CRYBA2: variants seen among roughly 807,000 people sequenced by gnomAD.
CRYBA2 encodes the protein beta-crystallin A2.
CRYBA2 carries 17 observed loss-of-function variants against 18.5 expected under a neutral mutation model. The observed-to-expected ratio is 0.92, with a 90% CI of 0.63 to 1.38. The LOEUF (loss-of-function observed/expected upper bound fraction) is 1.38. CRYBA2 is among the 40% of genes most tolerant of loss of function. The pLI, the probability that CRYBA2 is intolerant of heterozygous loss-of-function variation, is 0.00. For missense variants in CRYBA2, 271 were observed against 265.0 expected (o/e 1.02, Z -0.16); for synonymous variants, 101 against 106.2 (o/e 0.95, Z 0.30).
At chr2:218,991,788 C>T (rs903002496) in intron 2 of CRYBA2, 5 of 360,780 alleles carry the variant, frequency 1.4e-5, no homozygotes, top group African/African-American at 2.1e-5. Flanking sequence ...GTCAACCCGA[C>T]CTCACATGGC....
In CRYBA2 at chr2:218,993,278, C is replaced by A. The variant is rs1945521665; in HGVS notation, c.-102G>T. On this transcript the variant is annotated 5_prime_UTR_variant, in exon 1 of 4. Transcript: ENST00000295728. This position sits in a 1 kb window ranked among gnomAD's most constrained non-coding sequence, Gnocchi z 7.7. ...CAACCTGGGTAGCGGATGAAGAACC[C>A]GGGGGCTGGACCCGGCCTAGCTCTG... 3.2e-6 allele frequency: 4 copies of A among 1,252,782 alleles called. No homozygotes were observed. The South Asian group carries it at 5.7e-5, about 18-fold the overall frequency. The allele number at this position is 1,252,782 out of a possible 1,614,324, so 77.6% of individuals were successfully genotyped here.
Position 218,992,157 on chromosome 2 carries a change from C to A in CRYBA2, c.248G>T (p.Gly83Val), listed in dbSNP as rs751268103. Residue 83 changes from glycine (G) to valine (V), a missense_variant, in exon 2 of 4, where the codon GGC becomes GTC. Gly to Val is a moderately radical substitution (Grantham distance 109). Coordinates refer to ENST00000295728, the MANE Select transcript of CRYBA2 (RefSeq NM_057093.2). The stretch of plus-strand genomic sequence containing the variant: ...CTGGTTGCTGTTGTGGCTGCTGCTG[C>A]CACTCCAGGCGCTCCAGCGAGGATA... ...GDYPRWSAWS[G>V]SSSHNSNQLL... 6 of 1,613,212 alleles carry A rather than the reference C, an allele frequency of 3.7e-6. No individual in the cohort carries two copies. In the South Asian group the frequency reaches 6.6e-5, roughly 18 times the overall value.
At position 218,990,268 on chromosome 2, in the gene CRYBA2, C is replaced by T. The variant is rs1344499204; in HGVS notation, c.578G>A (p.Arg193Gln). 19 of 1,613,990 alleles carry T rather than the reference C, an allele frequency of 1.2e-5. No individual in the cohort carries two copies. The highest frequency in any genetic ancestry group is 2.2e-5 in the East Asian group (1 of 44,894). ...QAHTGQLQSIRRVQH is the reference protein window; with the variant it reads ...QAHTGQLQSIQRVQH ...CCGTGGAGCCTAGTGCTGGACTCTCCGGATGGACTGCAGCTGCCCAGTGTG... is the reference window on the plus strand; with the variant it reads ...CCGTGGAGCCTAGTGCTGGACTCTCTGGATGGACTGCAGCTGCCCAGTGTG... The change falls in exon 4 of 4, where the codon CGG (arginine) becomes CAG (glutamine). Residue 193 changes from arginine to glutamine, a missense_variant. By Grantham distance (43) the Arg-to-Gln change is conservative. Coordinates refer to ENST00000295728, the MANE Select transcript of CRYBA2 (RefSeq NM_057093.2).
At position 218,992,253 on chromosome 2, in the gene CRYBA2, G is replaced by A. The variant is rs1348043842; in HGVS notation, c.162-10C>T. The A allele has an allele frequency of 6.2e-7, 1 of 1,612,570 alleles. No homozygotes were observed. The highest frequency in any genetic ancestry group is 8.5e-7 in the Non-Finnish European group (1 of 1,179,598). ...CTCAAAGGCCACCCAACTGGAAAAG[G>A]AGAAGAGCTGGGAGGTATCTGCCCC... On this transcript the variant is annotated splice_polypyrimidine_tract_variant and intron_variant, in intron 1 of 3. Transcript: ENST00000295728.
Position 218,992,103 on chromosome 2 carries a change from G to C in CRYBA2, c.302C>G (p.Ala101Gly). ...GGAGGAGAAGTGGGCTGTGCTCACC[G>C]CGCAGAGCACTGGCCGGAAGGACAG... is the stretch of plus-strand genomic sequence containing the variant. The part of the protein sequence containing the change: ...QLLSFRPVLC[A>G]NHNDSRVTLF... The change falls in exon 2 of 4, where the codon GCG becomes GGG. Residue 101 changes from alanine to glycine, a missense_variant and splice_region_variant. Physicochemically the swap from Ala to Gly is moderately conservative, Grantham distance 60. Coordinates refer to ENST00000295728, the MANE Select transcript of CRYBA2 (RefSeq NM_057093.2). The C allele has an allele frequency of 6.2e-7, 1 of 1,611,942 alleles. No individual in the cohort carries two copies. The highest frequency in any genetic ancestry group is 1.1e-5 in the South Asian group (1 of 90,746).
rs1019823561 is a variant in CRYBA2, at chr2:218,993,268, A to G, written c.-92T>C. The G allele has an allele frequency of 1.5e-6, 2 of 1,337,938 alleles. No individual in the cohort carries two copies. The highest frequency in any genetic ancestry group is 2.0e-6 in the Non-Finnish European group (2 of 988,940). 82.9% of individuals were successfully genotyped at this position (1,337,938 alleles called of 1,614,324 possible). On this transcript the variant is annotated 5_prime_UTR_variant, in exon 1 of 4. Transcript: ENST00000295728. This position sits in a 1 kb window ranked among gnomAD's most constrained non-coding sequence, Gnocchi z 7.7. ...ACAGCCTGCCCAACCTGGGTAGCGG[A>G]TGAAGAACCCGGGGGCTGGACCCGG...
At chr2:218,991,260 G>T in intron 2 of CRYBA2, 1 of 382,244 alleles carries the variant, frequency 2.6e-6, no homozygotes, top group Non-Finnish European at 4.7e-6. Flanking sequence ...TTTCAGGTCA[G>T]GACTAGAGAG....
chr2:218,990,476 C>T (rs1010487031), intron 3 of CRYBA2, 77 bp from the exon 4 acceptor site: 3 of 1,541,888 alleles, frequency 1.9e-6, no homozygotes, highest in Admixed American at 1.9e-5. Flanking sequence ...CAGCAGCCCC[C>T]CTTTTGTAGC....
chr2:218,991,072 C>T (rs915250073), intron 2 of CRYBA2, 78 bp from the exon 3 acceptor site: 270 of 1,567,652 alleles, frequency 1.7e-4, no homozygotes, highest in Non-Finnish European at 2.3e-4. Context: ...CTCACTTCCC[C>T]CACCCACTGC....
intron 1 of CRYBA2, among the ~76,000 whole-genome samples, chr2:218,992,623 G>A (rs1232589510): frequency 3.3e-5 from 5 of 152,154 alleles, no homozygotes; most frequent in African/African-American, 7.2e-5. Context: ...GGTAGGGGGC[G>A]GCAGGGTGGG....
intron 1 of CRYBA2, 25 bp from the exon 2 acceptor site, chr2:218,992,268 G>T (rs199740895): frequency 6.2e-7 from 1 of 1,609,040 alleles, no homozygotes; most frequent in Non-Finnish European, 8.5e-7. Flanking sequence ...GAGCTGGGAG[G>T]TATCTGCCCC....
Position 218,990,897 on chromosome 2 carries a change from C to T in CRYBA2, c.401G>A (p.Gly134Asp). 6.2e-7 allele frequency: 1 copy of T among 1,614,168 alleles called. No homozygotes were observed. The highest frequency in any genetic ancestry group is 8.5e-7 in the Non-Finnish European group (1 of 1,180,022). ...GGAACCCACATCCTTGCTGGCCCAGCCCATGGAGGGCAGGGATGGGTAGTC... is the reference window on the plus strand; with the variant it reads ...GGAACCCACATCCTTGCTGGCCCAGTCCATGGAGGGCAGGGATGGGTAGTC... ...VDDYPSLPSM[G>D]WASKDVGSLK... The change falls in exon 3 of 4, where the codon GGC (glycine) becomes GAC (aspartate). Residue 134 changes from glycine to aspartate, a missense_variant. Gly to Asp is a moderately conservative substitution (Grantham distance 94). Coordinates refer to ENST00000295728, the MANE Select transcript of CRYBA2 (RefSeq NM_057093.2).
chr2:218,992,227 A>G lies in CRYBA2; in HGVS notation c.178T>C (p.Tyr60His). 1 of 1,613,448 alleles carries G rather than the reference A, an allele frequency of 6.2e-7. No homozygotes were observed. The change falls in exon 2 of 4, where the codon TAC becomes CAC. Residue 60 changes from tyrosine (Y) to histidine (H), a missense_variant. Physicochemically the swap from Tyr to His is moderately conservative, Grantham distance 83 (BLOSUM62 2). Coordinates refer to ENST00000295728, the MANE Select transcript of CRYBA2 (RefSeq NM_057093.2). Reference sequence around the variant, plus strand: ...AACTGCTGTCCCTGGAAGTCGGGGTACTCAAAGGCCACCCAACTGGAAAAG... The same window carrying G: ...AACTGCTGTCCCTGGAAGTCGGGGTGCTCAAAGGCCACCCAACTGGAAAAG... ...VENGVWVAFE[Y>H]PDFQGQQFIL...
intron 2 of CRYBA2, chr2:218,991,360 C>T (rs1267010861): frequency 1.1e-5 from 2 of 189,032 alleles, no homozygotes; most frequent in Admixed American, 5.9e-5. Flanking sequence ...CCCTGAGGTC[C>T]TCATTGACTA....
Position 218,993,034 on chromosome 2 carries a change from A to C in CRYBA2, c.143T>G (p.Val48Gly). 6.2e-7 allele frequency: 1 copy of C among 1,605,892 alleles called. No homozygotes were observed. Among genetic ancestry groups the C allele is most frequent in the Non-Finnish European group, 8.5e-7 (1 of 1,175,136 alleles). ...ERGGLPRVRS[V>G]KVENGVWVAF... The stretch of plus-strand genomic sequence containing the variant: ...CACTCACACGCCGTTTTCCACCTTG[A>C]CCGAGCGCACCCTGGGCAGGCCTCC... Residue 48 changes from valine to glycine, a missense_variant, in exon 1 of 4, where the codon GTC (valine) becomes GGC (glycine). Physicochemically the swap from Val to Gly is moderately radical, Grantham distance 109. Coordinates refer to ENST00000295728, the MANE Select transcript of CRYBA2 (RefSeq NM_057093.2). This position sits in a 1 kb window ranked among gnomAD's most constrained non-coding sequence, Gnocchi z 7.7.
At chr2:218,992,554 C>T (rs1945510724) in intron 1 of CRYBA2, among the ~76,000 whole-genome samples, 1 of 152,088 alleles carries the variant, frequency 6.6e-6, no homozygotes, top group Admixed American at 6.5e-5. Context: ...TGCATGGGGA[C>T]ACATTGGAGG....
At position 218,990,886 on chromosome 2, in the gene CRYBA2, T is replaced by G; in HGVS notation, c.412A>C (p.Lys138Gln). 1 of 1,614,086 alleles carries G rather than the reference T, an allele frequency of 6.2e-7. No homozygotes were observed. Among genetic ancestry groups the G allele is most frequent in the Non-Finnish European group, 8.5e-7 (1 of 1,179,990 alleles). Reference sequence around the variant, plus strand: ...CTGACTTTGAGGGAACCCACATCCTTGCTGGCCCAGCCCATGGAGGGCAGG... The same window carrying G: ...CTGACTTTGAGGGAACCCACATCCTGGCTGGCCCAGCCCATGGAGGGCAGG... Reference protein sequence around the residue: ...PSLPSMGWASKDVGSLKVSSG... With the variant: ...PSLPSMGWASQDVGSLKVSSG... The change falls in exon 3 of 4, where the codon AAG (lysine) becomes CAG (glutamine). Residue 138 changes from lysine to glutamine, a missense_variant. By Grantham distance (53) the Lys-to-Gln change is moderately conservative (BLOSUM62 1). Transcript: ENST00000295728.
chr2:218,990,239 G>C lies in CRYBA2; in HGVS notation c.*13C>G. 1 of 1,614,032 alleles carries C rather than the reference G, an allele frequency of 6.2e-7. No individual in the cohort carries two copies. Among genetic ancestry groups the C allele is most frequent in the Non-Finnish European group, 8.5e-7 (1 of 1,179,952 alleles). ...TTGAGTGTCCTCAGGGAAGGTGTCT[G>C]GGGCCGTGGAGCCTAGTGCTGGACT... On this transcript the variant is annotated 3_prime_UTR_variant, in exon 4 of 4. Transcript: ENST00000295728.
chr2:218,993,161 C>CG lies in CRYBA2; in HGVS notation c.15dup (p.Ala6ArgfsTer54). Reference sequence around the variant, plus strand: ...AGGCTGGCGGGCGCCGGGCCCGGCGCGGGGGCGCTGCTCATGCCGCTGCGG... The same window carrying CG: ...AGGCTGGCGGGCGCCGGGCCCGGCGCGGGGGGCGCTGCTCATGCCGCTGCGG... On this transcript the variant is annotated frameshift_variant, in exon 1 of 4. Transcript: ENST00000295728. LOFTEE classifies it high-confidence loss of function. The surrounding 1 kb of genome is among the most constrained non-coding windows in gnomAD (Gnocchi z 7.7). 1 of 1,603,352 alleles carries CG rather than the reference C, an allele frequency of 6.2e-7. No individual in the cohort carries two copies. The highest frequency in any genetic ancestry group is 8.5e-7 in the Non-Finnish European group (1 of 1,175,950).
Sources: allele counts gnomAD v4.1 joint callset (sites outside exome capture counted in the v4.1 genomes callset), GRCh38; gene constraint gnomAD v4.1.1; non-coding constraint Gnocchi (gnomAD v3.1); transcripts MANE v1.5; gene names NCBI Gene and HGNC (gene_info 2026-07-23, HGNC 2026-07-21).